Variants in NIBAN1 observed in about 807,000 individuals in gnomAD.
The protein encoded by NIBAN1 is niban apoptosis regulator 1.
In NIBAN1, 81 loss-of-function variants were observed where a neutral mutation model predicts 75.1. That is an observed-to-expected ratio of 1.08 (90% CI 0.90 to 1.30). The LOEUF is 1.30. NIBAN1 is among the 50% of genes most tolerant of loss of function. The pLI, the probability that NIBAN1 is intolerant of heterozygous loss-of-function variation, is 0.00. For synonymous variants in NIBAN1, 436 were observed against 424.8 expected (o/e 1.03, Z -0.32); for missense variants, 1,133 against 1,128.1 (o/e 1.00, Z -0.06).
At chr1:184,824,270 A>G (rs567498) in intron 6 of NIBAN1, among the ~76,000 whole-genome samples, 6,042 of 152,176 alleles carry the variant, frequency 0.04, 229 homozygotes, top group East Asian at 0.11. Flanking sequence ...TGTTTAGTAA[A>G]CGAAGGGAGG....
In NIBAN1 at chr1:184,817,666, G is replaced by T. The variant is rs555953449; in HGVS notation, c.1173+972C>A. 7.2e-5 allele frequency among the ~76,000 whole-genome samples: 11 copies of T among 152,322 alleles called. No individual in the cohort carries two copies. In the East Asian group the frequency reaches 9.7e-4, roughly 13 times the overall value. On this transcript the variant is annotated intron_variant, in intron 9 of 13. Coordinates refer to ENST00000367511, the MANE Select transcript of NIBAN1 (RefSeq NM_052966.4). ...TCATGTGTCTGTTGGCTACATAAAT[G>T]TCTTCTTTTGAGAAGTGGCTGTTCA...
Position 184,921,900 on chromosome 1 carries a change from T to A in NIBAN1, c.56-22591A>T, listed in dbSNP as rs572801292. On this transcript the variant is annotated intron_variant, in intron 1 of 13. Coordinates refer to ENST00000367511, the MANE Select transcript of NIBAN1 (RefSeq NM_052966.4). ...CAACTTTAAAGAAGCAGTAATTGTATAATAATATCAATAATACCAATTGGG... is the reference window on the plus strand; with the variant it reads ...CAACTTTAAAGAAGCAGTAATTGTAAAATAATATCAATAATACCAATTGGG... Among the ~76,000 whole-genome samples, 277 of 152,334 alleles carry A rather than the reference T, an allele frequency of 1.8e-3. 1 individual carries two copies. Among genetic ancestry groups the A allele is most frequent in the African/African-American group, 6.2e-3 (258 of 41,590 alleles).
chr1:184,865,070 C>T (rs917175574), intron 5 of NIBAN1, among the ~76,000 whole-genome samples: 2 of 150,468 alleles, frequency 1.3e-5, no homozygotes, highest in Non-Finnish European at 3.0e-5. Context: ...TACCATCTCA[C>T]ACCAGTCAGA....
At chr1:184,861,914 C>A (rs941160964) in intron 5 of NIBAN1, among the ~76,000 whole-genome samples, 1 of 152,114 alleles carries the variant, frequency 6.6e-6, no homozygotes, top group African/African-American at 2.4e-5. Context: ...AGCCATCTTC[C>A]CCTGCACAGT....
At chr1:184,819,771 C>T (rs927814881) in intron 8 of NIBAN1, among the ~76,000 whole-genome samples, 1 of 152,152 alleles carries the variant, frequency 6.6e-6, no homozygotes, top group Admixed American at 6.5e-5. Flanking sequence ...CCAATCTCTC[C>T]ACTTTACAGA....
At chr1:184,838,564 A>G (rs550371914) in intron 5 of NIBAN1, among the ~76,000 whole-genome samples, 122 of 152,324 alleles carry the variant, frequency 8.0e-4, no homozygotes, top group Admixed American at 1.2e-3. Context: ...ATGCAGCTGC[A>G]TGGAAAACTC....
chr1:184,908,486 T>G (rs1657160000), intron 1 of NIBAN1, among the ~76,000 whole-genome samples: 2 of 152,160 alleles, frequency 1.3e-5, no homozygotes, highest in South Asian at 4.1e-4. Flanking sequence ...CACTACCTTA[T>G]TCCATAGAGA....
At chr1:184,845,280 T>C (rs946705022) in intron 5 of NIBAN1, among the ~76,000 whole-genome samples, 7 of 152,240 alleles carry the variant, frequency 4.6e-5, no homozygotes, top group African/African-American at 1.7e-4. Context: ...ACAATTATTT[T>C]CAGTAAAGTT....
At chr1:184,845,457 T>C (rs748818922) in intron 5 of NIBAN1, among the ~76,000 whole-genome samples, 7 of 152,244 alleles carry the variant, frequency 4.6e-5, no homozygotes, top group Non-Finnish European at 1.0e-4. Flanking sequence ...GGGATAACTT[T>C]AACTGCAAAA....
At chr1:184,831,315 A>G (rs1453872894) in intron 6 of NIBAN1, among the ~76,000 whole-genome samples, 1 of 152,216 alleles carries the variant, frequency 6.6e-6, no homozygotes, top group Admixed American at 6.5e-5. Flanking sequence ...TCATTACTTC[A>G]TTTACATATA....
At chr1:184,810,142 T>C (rs1250579512) in intron 9 of NIBAN1, among the ~76,000 whole-genome samples, 2 of 152,204 alleles carry the variant, frequency 1.3e-5, no homozygotes, top group Admixed American at 1.3e-4. Context: ...TATATATGTG[T>C]ATATATGCAT....
chr1:184,960,973 C>G (rs1658621098), intron 1 of NIBAN1, among the ~76,000 whole-genome samples: 1 of 151,488 alleles, frequency 6.6e-6, no homozygotes, highest in African/African-American at 2.4e-5. Context: ...TCAAACCTCC[C>G]TCTTGCTCAC....
intron 9 of NIBAN1, among the ~76,000 whole-genome samples, chr1:184,810,821 CTT>C (rs1654355642): frequency 6.6e-6 from 1 of 152,142 alleles, no homozygotes; most frequent in Admixed American, 6.5e-5. Context: ...AGGTAAACTC[CTT>C]TAAATTTAAT....
chr1:184,796,111 G>A lies in NIBAN1; in HGVS notation c.1667-14C>T. The A allele has an allele frequency of 2.0e-6, 3 of 1,490,124 alleles. No individual in the cohort carries two copies. In the South Asian group the frequency reaches 4.1e-5, roughly 20 times the overall value. The allele number at this position is 1,490,124 out of a possible 1,614,324, so 92.3% of individuals were successfully genotyped here. A position where few individuals can be genotyped will look rare whatever the true frequency, so the allele number is the denominator to read the frequency against. On this transcript the variant is annotated splice_polypyrimidine_tract_variant and intron_variant, in intron 13 of 13. Coordinates refer to ENST00000367511, the MANE Select transcript of NIBAN1 (RefSeq NM_052966.4). ...CTTCCTTTATCACTGAGAGATATCA[G>A]AAAACAAAACATGATTTTCTGATTT... is the stretch of plus-strand genomic sequence containing the variant.
intron 5 of NIBAN1, among the ~76,000 whole-genome samples, chr1:184,838,102 T>C (rs575084289): frequency 2.0e-4 from 30 of 152,344 alleles, no homozygotes; most frequent in African/African-American, 6.5e-4. Context: ...CACGTCACAC[T>C]GTTGACTCCT....
intron 1 of NIBAN1, among the ~76,000 whole-genome samples, chr1:184,965,755 G>A (rs904157278): frequency 6.6e-6 from 1 of 152,076 alleles, no homozygotes; most frequent in African/African-American, 2.4e-5. Context: ...ACGGCGCTTC[G>A]TTTCCCTATG....
intron 4 of NIBAN1, among the ~76,000 whole-genome samples, chr1:184,886,128 C>T (rs746362145): frequency 6.6e-6 from 1 of 152,126 alleles, no homozygotes; most frequent in African/African-American, 2.4e-5. Context: ...AATTCTCATT[C>T]ATCCTTCAAA....
At position 184,921,229 on chromosome 1, in the gene NIBAN1, G is replaced by A. The variant is rs537818751; in HGVS notation, c.56-21920C>T. The stretch of plus-strand genomic sequence containing the variant: ...GGAGAATCACTTGAACCCGGGAGGC[G>A]GAGGTGGCACTGAGCCGAGATTGCG... On this transcript the variant is annotated intron_variant, in intron 1 of 13. Transcript: ENST00000367511. Among the ~76,000 whole-genome samples, 392 of 152,000 alleles carry A rather than the reference G, an allele frequency of 2.6e-3. 2 individuals carry two copies. Among genetic ancestry groups the A allele is most frequent in the Admixed American group, 0.022 (332 of 15,270 alleles).
At chr1:184,890,906 A>G (rs758768489) in intron 3 of NIBAN1, among the ~76,000 whole-genome samples, 1 of 152,198 alleles carries the variant, frequency 6.6e-6, no homozygotes, top group African/African-American at 2.4e-5. Context: ...GCCCACAAGG[A>G]CATGCAGATA....
Sources: gnomAD v4.1 joint callset for allele counts (sites outside exome capture counted in the v4.1 genomes callset) on GRCh38, gnomAD v4.1.1 for gene constraint, MANE v1.5 for transcripts, NCBI Gene and HGNC (gene_info 2026-07-23, HGNC 2026-07-21) for gene names.